The following FUT2 variants were observed in gnomAD, a reference collection of about 807,000 sequenced individuals.
FUT2 encodes galactoside alpha-(1,2)-fucosyltransferase 2.
For synonymous variants in FUT2, 182 were observed against 193.1 expected, an observed-to-expected ratio of 0.94 and a Z score of 0.48; for missense variants, 419 against 465.8, an observed-to-expected ratio of 0.90 and a Z score of 0.93.
At chr19:48,698,975 C>G (rs2032463580) in intron 1 of FUT2, among the ~76,000 whole-genome samples, 1 of 151,772 alleles carries the variant, frequency 6.6e-6, no homozygotes, top group South Asian at 2.1e-4. Flanking sequence ...TTTATCATCT[C>G]TGTCCCTTCC....
rs1416152893 is a variant in FUT2, at chr19:48,703,513, AGGTGAACGGGAGCC to A, written c.560_573del (p.Val187AlafsTer53). On this transcript the variant is annotated frameshift_variant, in exon 2 of 2. Transcript: ENST00000425340. LOFTEE classifies it low-confidence loss of function (END_TRUNC). ...GCCCAGAAGTTCCTGCGGGGCCTGC[AGGTGAACGGGAGCC>A]GGCCGGGCACCTTTGTAGGGGTCCA... The A allele has an allele frequency of 6.2e-7, 1 of 1,613,136 alleles. No individual in the cohort carries two copies. Among genetic ancestry groups the A allele is most frequent in the African/African-American group, 1.3e-5 (1 of 75,058 alleles).
In FUT2 at chr19:48,699,663, C is replaced by G. The variant is rs988981849; in HGVS notation, c.-2-3292C>G. 2.0e-5 allele frequency among the ~76,000 whole-genome samples: 3 copies of G among 152,030 alleles called. No homozygotes were observed. In the South Asian group the frequency reaches 6.3e-4, roughly 32 times the overall value. ...ACATTTACCGCCTGTGTATATGTGC[C>G]AGACACTGTTTTAATCCTCAGAGAG... On this transcript the variant is annotated intron_variant, in intron 1 of 1. Transcript: ENST00000425340.
At chr19:48,700,517 G>T (rs1327861062) in intron 1 of FUT2, among the ~76,000 whole-genome samples, 1 of 151,764 alleles carries the variant, frequency 6.6e-6, no homozygotes, top group Non-Finnish European at 1.5e-5. Flanking sequence ...ATTTTTAGTA[G>T]AGACGGGGTT....
intron 1 of FUT2, among the ~76,000 whole-genome samples, chr19:48,699,128 G>A (rs1049210740): frequency 6.6e-6 from 1 of 151,902 alleles, no homozygotes; most frequent in South Asian, 2.1e-4. Context: ...TGTATTTAAG[G>A]CAAGTGTTGA....
intron 1 of FUT2, among the ~76,000 whole-genome samples, chr19:48,699,464 C>A (rs893233903): frequency 6.6e-6 from 1 of 152,040 alleles, no homozygotes; most frequent in Non-Finnish European, 1.5e-5. Flanking sequence ...TCTGGAAGTT[C>A]TGGCATTACA....
intron 1 of FUT2, chr19:48,696,300 T>G (rs926392385): frequency 6.6e-6 from 1 of 152,110 alleles, no homozygotes; most frequent in African/African-American, 2.4e-5. Flanking sequence ...CTTAGCTCCC[T>G]CCCCACTTCC....
rs147094599 is a variant in FUT2 at position 48,700,328 on chromosome 19, A to AT, written c.-2-2623dup. On this transcript the variant is annotated intron_variant, in intron 1 of 1. Transcript: ENST00000425340. ...CACATGCTGTGCTACCATTTATTTT[A>AT]TTTTATTTTTTTTTTTGAGACGGAG... is the stretch of plus-strand genomic sequence containing the variant. Among the ~76,000 whole-genome samples, 964 of 110,642 alleles carry AT rather than the reference A, an allele frequency of 8.7e-3. 3 individuals carry two copies. Among genetic ancestry groups the AT allele is most frequent in the South Asian group, 0.015 (61 of 4,112 alleles). 72.6% of individuals were successfully genotyped at this position (110,642 alleles called of 152,430 possible).
In FUT2 at chr19:48,703,240, T is replaced by C. The variant is rs1327528263; in HGVS notation, c.284T>C (p.Ile95Thr). Residue 95 changes from isoleucine to threonine, a missense_variant, in exon 2 of 2, where the codon ATC (isoleucine) becomes ACC (threonine). Transcript: ENST00000425340. ...AAGATGAACGGGCGGCCCGCCTTCA[T>C]CCCGGCCCAGATGCACAGCACCCTG... Reference protein sequence around the residue: ...LAKMNGRPAFIPAQMHSTLAP... With the variant: ...LAKMNGRPAFTPAQMHSTLAP... 1.9e-6 allele frequency: 3 copies of C among 1,612,992 alleles called. No individual in the cohort carries two copies. The highest frequency in any genetic ancestry group is 3.3e-5 in the Admixed American group (2 of 60,000).
chr19:48,696,155 G>C (rs1236897069), intron 1 of FUT2, 66 bp downstream of exon 1: 1 of 152,438 alleles, frequency 6.6e-6, no homozygotes, highest in Non-Finnish European at 1.5e-5. Flanking sequence ...GCGGAGAGCA[G>C]GGATTTGGGA....
At position 48,697,174 on chromosome 19, in the gene FUT2, C is replaced by T. The variant is rs565066686; in HGVS notation, c.-3+1085C>T. Among the ~76,000 whole-genome samples, 6 of 151,164 alleles carry T rather than the reference C, an allele frequency of 4.0e-5. No homozygotes were observed. In the South Asian group the frequency reaches 1.0e-3, roughly 26 times the overall value. ...CAGTCTGGCCAACATGGAGAAACCC[C>T]GTCTCTACTAAAAATACAAAATTAG... On this transcript the variant is annotated intron_variant, in intron 1 of 1. Transcript: ENST00000425340.
rs548177566 is a variant in FUT2 at position 48,700,521 on chromosome 19, C to T, written c.-2-2434C>T. Among the ~76,000 whole-genome samples the T allele has an allele frequency of 9.9e-3, 1,500 of 151,824 alleles. 17 individuals carry two copies. The highest frequency in any genetic ancestry group is 0.03 in the African/African-American group (1,259 of 41,444). Reference sequence around the variant, plus strand: ...TTTTTATATATATTTTTAGTAGAGACGGGGTTTCACCGTGTTAGCCAGGAT... The same window carrying T: ...TTTTTATATATATTTTTAGTAGAGATGGGGTTTCACCGTGTTAGCCAGGAT... On this transcript the variant is annotated intron_variant, in intron 1 of 1. Transcript: ENST00000425340.
At chr19:48,698,206 C>T (rs1417915016) in intron 1 of FUT2, among the ~76,000 whole-genome samples, 1 of 151,906 alleles carries the variant, frequency 6.6e-6, no homozygotes, top group Non-Finnish European at 1.5e-5. Flanking sequence ...GGTTCCTGAT[C>T]ATGCCGTGCA....
chr19:48,703,302 A>G lies in FUT2; in HGVS notation c.346A>G (p.Ser116Gly), dbSNP rs548567519. ...IFRITLPVLH[S>G]ATASRIPWQN... is the part of the protein sequence containing the mutation. ...CAGAATCACCCTGCCGGTGCTGCACAGCGCCACGGCCAGCAGGATCCCCTG... is the reference window on the plus strand; with the variant it reads ...CAGAATCACCCTGCCGGTGCTGCACGGCGCCACGGCCAGCAGGATCCCCTG... Residue 116 changes from serine to glycine, a missense_variant, in exon 2 of 2, where the codon AGC becomes GGC. By Grantham distance (56) the Ser-to-Gly change is moderately conservative. Coordinates refer to ENST00000425340, the MANE Select transcript of FUT2 (RefSeq NM_000511.6). 2 of 1,613,048 alleles carry G rather than the reference A, an allele frequency of 1.2e-6. No homozygotes were observed. The highest frequency in any genetic ancestry group is 1.3e-5 in the African/African-American group (1 of 75,062).
rs750075953 is a variant in FUT2, at chr19:48,705,106, C to CTTTTTTTTTTTTTTT, written c.*1122_*1123insTTTTTTTTTTTTTTT. 5.8e-4 allele frequency: 110 copies of CTTTTTTTTTTTTTTT among 188,948 alleles called. 15 individuals carry two copies. Among genetic ancestry groups the CTTTTTTTTTTTTTTT allele is most frequent in the African/African-American group, 2.6e-3 (78 of 29,914 alleles). The allele number at this position is 188,948 out of a possible 1,614,324, so 11.7% of individuals were successfully genotyped here. On this transcript the variant is annotated 3_prime_UTR_variant, in exon 2 of 2. Coordinates refer to ENST00000425340, the MANE Select transcript of FUT2 (RefSeq NM_000511.6). ...GAGCTCACTGTTTTCTTTTCTTTTTCTTTTCTTTTTTTTTTTTTTTTTGAG... is the reference window on the plus strand; with the variant it reads ...GAGCTCACTGTTTTCTTTTCTTTTTCTTTTTTTTTTTTTTTTTTTCTTTTTTTTTTTTTTTTTGAG...
chr19:48,704,061 C>A lies in FUT2; in HGVS notation c.*73C>A, dbSNP rs547678363. ...GATGAGTGCCCGGGCATGAGAAGCACATGGTTCCATGAGCAGGACCCATCT... is the reference window on the plus strand; with the variant it reads ...GATGAGTGCCCGGGCATGAGAAGCAAATGGTTCCATGAGCAGGACCCATCT... On this transcript the variant is annotated 3_prime_UTR_variant, in exon 2 of 2. Transcript: ENST00000425340. 14 of 1,340,766 alleles carry A rather than the reference C, an allele frequency of 1.0e-5. No homozygotes were observed. The East Asian group carries it at 3.0e-4, about 28-fold the overall frequency. The allele number at this position is 1,340,766 out of a possible 1,614,324, so 83.1% of individuals were successfully genotyped here. A position where few individuals can be genotyped will look rare whatever the true frequency, so the allele number is the denominator to read the frequency against.
At position 48,703,029 on chromosome 19, in the gene FUT2, A is replaced by G. The variant is rs1800021; in HGVS notation, c.73A>G (p.Ile25Val). Residue 25 changes from isoleucine to valine, a missense_variant, in exon 2 of 2, where the codon ATA becomes GTA. Physicochemically the swap from Ile to Val is conservative, Grantham distance 29. Coordinates refer to ENST00000425340, the MANE Select transcript of FUT2 (RefSeq NM_000511.6). ...FILFVFTVST[I>V]FHVQQRLAKI... ...CCTCTTTGTCTTTACGGTTTCCACT[A>G]TATTTCACGTTCAGCAGCGGCTAGC... 6.9e-3 allele frequency: 11,188 copies of G among 1,613,032 alleles called. 545 individuals are homozygous for G. In the African/African-American group the frequency reaches 0.12, roughly 17 times the overall value.
Position 48,704,046 on chromosome 19 carries a change from C to G in FUT2, c.*58C>G. ...CTCTGCCTCCCTCAAGATGAGTGCC[C>G]GGGCATGAGAAGCACATGGTTCCAT... is the stretch of plus-strand genomic sequence containing the variant. On this transcript the variant is annotated 3_prime_UTR_variant, in exon 2 of 2. Transcript: ENST00000425340. The G allele has an allele frequency of 2.0e-6, 3 of 1,485,554 alleles. No homozygotes were observed. Among genetic ancestry groups the G allele is most frequent in the Middle Eastern group, 1.8e-4 (1 of 5,608 alleles). The allele number at this position is 1,485,554 out of a possible 1,614,324, so 92.0% of individuals were successfully genotyped here.
At position 48,703,535 on chromosome 19, in the gene FUT2, C is replaced by T; in HGVS notation, c.579C>T (p.Gly193=). Residue 193 remains glycine (G), a synonymous_variant, in exon 2 of 2, where the codon GGC becomes GGT. Coordinates refer to ENST00000425340, the MANE Select transcript of FUT2 (RefSeq NM_000511.6). ...RGLQVNGSRP[G]TFVGVHVRRG... ...TGCAGGTGAACGGGAGCCGGCCGGG[C>T]ACCTTTGTAGGGGTCCATGTTCGCC... 6.2e-7 allele frequency: 1 copy of T among 1,613,248 alleles called. No homozygotes were observed. The highest frequency in any genetic ancestry group is 8.5e-7 in the Non-Finnish European group (1 of 1,180,020).
chr19:48,703,101 G>A lies in FUT2; in HGVS notation c.145G>A (p.Ala49Thr). The part of the protein sequence containing the change: ...WELPVQIPVL[A>T]STSKALGPSQ... ...GTTACCGGTGCAGATACCAGTGCTAGCCTCAACATCAAAGGCACTGGGACC... is the reference window on the plus strand; with the variant it reads ...GTTACCGGTGCAGATACCAGTGCTAACCTCAACATCAAAGGCACTGGGACC... The change falls in exon 2 of 2, where the codon GCC (alanine) becomes ACC (threonine). Residue 49 changes from alanine to threonine, a missense_variant. Coordinates refer to ENST00000425340, the MANE Select transcript of FUT2 (RefSeq NM_000511.6). 1 of 1,613,436 alleles carries A rather than the reference G, an allele frequency of 6.2e-7. No homozygotes were observed. The highest frequency in any genetic ancestry group is 1.6e-4 in the Middle Eastern group (1 of 6,062).
Sources: gnomAD v4.1 joint callset for allele counts (sites outside exome capture counted in the v4.1 genomes callset) on GRCh38, gnomAD v4.1.1 for gene constraint, MANE v1.5 for transcripts, NCBI Gene and HGNC (gene_info 2026-07-23, HGNC 2026-07-21) for gene names.